The following BTBD8 variants were observed in gnomAD, a reference collection of about 807,000 sequenced individuals.
The protein encoded by BTBD8 is BTB domain containing 8, also known as BTB/POZ domain-containing protein 8.
BTBD8 carries 110 observed loss-of-function variants against 162.9 expected under a neutral mutation model. The observed-to-expected ratio is 0.68, with a 90% CI of 0.58 to 0.79. BTBD8 has a LOEUF of 0.79. BTBD8 is among the 30% of genes least tolerant of loss of function. The pLI, the probability that BTBD8 is intolerant of heterozygous loss-of-function variation, is 0.00. For synonymous variants in BTBD8, 667 were observed against 716.1 expected, an observed-to-expected ratio of 0.93 and a Z score of 1.10; for missense variants, 1,905 against 2,085.4, an observed-to-expected ratio of 0.91 and a Z score of 1.68.
At chr1:92,183,347 G>C (rs1247864610) in intron 17 of BTBD8, among the ~76,000 whole-genome samples, 2 of 152,112 alleles carry the variant, frequency 1.3e-5, no homozygotes, top group Non-Finnish European at 2.9e-5. Context: ...GTAGTTTCCT[G>C]TTCAGCAAAA....
intron 4 of BTBD8, among the ~76,000 whole-genome samples, chr1:92,113,365 T>C (rs1557444116): frequency 6.6e-6 from 1 of 152,200 alleles, no homozygotes; most frequent in Non-Finnish European, 1.5e-5. Flanking sequence ...TCAAGAAATG[T>C]ATTAGGCTAA....
rs544793072 is a variant in BTBD8 at position 92,124,727 on chromosome 1, A to C, written c.663-4960A>C. ...CAACATAGTAAGACTCTGTCTCTCT[A>C]TATATGTTTTAAATTTATTTTTAAA... On this transcript the variant is annotated intron_variant, in intron 4 of 17. Coordinates refer to ENST00000636805, the MANE Select transcript of BTBD8 (RefSeq NM_001376131.1). Among the ~76,000 whole-genome samples the C allele has an allele frequency of 7.2e-5, 11 of 152,338 alleles. No homozygotes were observed. In the South Asian group the frequency reaches 8.3e-4, roughly 11 times the overall value.
At position 92,181,637 on chromosome 1, in the gene BTBD8, A is replaced by G. The variant is rs879715504; in HGVS notation, c.3954A>G (p.Arg1318=). Residue 1318 remains arginine (R), a synonymous_variant, in exon 17 of 18, where the codon AGA becomes AGG. Coordinates refer to ENST00000636805, the MANE Select transcript of BTBD8 (RefSeq NM_001376131.1). ...EELKIYDSNL[R]IEVKMKKQSN... is the part of the protein sequence containing the mutation. ...TAAAAATTTATGATAGTAATTTAAG[A>G]ATTGAAGTAAAAATGAAAAAGCAAA... 5 of 1,550,178 alleles carry G rather than the reference A, an allele frequency of 3.2e-6. No homozygotes were observed. Among genetic ancestry groups the G allele is most frequent in the Non-Finnish European group, 3.5e-6 (4 of 1,146,084 alleles).
At position 92,167,975 on chromosome 1, in the gene BTBD8, C is replaced by G; in HGVS notation, c.1433C>G (p.Thr478Arg). 1 of 1,545,098 alleles carries G rather than the reference C, an allele frequency of 6.5e-7. No homozygotes were observed. The highest frequency in any genetic ancestry group is 8.7e-7 in the Non-Finnish European group (1 of 1,143,430). ...GACACACTGCTGAACTCTGACAGTA[C>G]AAAGGAAATGGTACTGAATGTAATG... ...ALDTLLNSDS[T>R]KEMGFTCKIQ... The change falls in exon 11 of 18, where the codon ACA (threonine) becomes AGA (arginine). Residue 478 changes from threonine to arginine, a missense_variant. Physicochemically the swap from Thr to Arg is moderately conservative, Grantham distance 71. Around this residue, in one of 3 missense-constraint regions of BTBD8, gnomAD observed 1,374 missense variants for 1,442.7 expected, o/e 0.95. Transcript: ENST00000636805.
intron 17 of BTBD8, among the ~76,000 whole-genome samples, chr1:92,182,833 C>T (rs1019795184): frequency 3.3e-5 from 5 of 151,714 alleles, no homozygotes; most frequent in Admixed American, 6.6e-5. Flanking sequence ...TAGAGCTAAC[C>T]TACTAAGAGA....
Position 92,126,461 on chromosome 1 carries a change from TC to T in BTBD8, c.663-3225del. On this transcript the variant is annotated intron_variant, in intron 4 of 17. Transcript: ENST00000636805. ...GCAGTACAACAGTTTTGTGTCACTG[TC>T]TGAAATCTGCCTCTTGGGCCTCCCT... 3 of 899,258 alleles carry T rather than the reference TC, an allele frequency of 3.3e-6. No homozygotes were observed. In the East Asian group the frequency reaches 1.2e-4, roughly 36 times the overall value. 55.7% of individuals were successfully genotyped at this position (899,258 alleles called of 1,614,324 possible).
intron 4 of BTBD8, among the ~76,000 whole-genome samples, chr1:92,128,195 C>T (rs966929768): frequency 6.6e-6 from 1 of 152,008 alleles, no homozygotes; most frequent in Non-Finnish European, 1.5e-5. Context: ...CGGCTCACTG[C>T]AACCTCCACC....
chr1:92,086,533 C>T (rs144637142), intron 1 of BTBD8, among the ~76,000 whole-genome samples: 3,003 of 151,644 alleles, frequency 0.02, 98 homozygotes, highest in African/African-American at 0.068. Flanking sequence ...TGGGAGGCTG[C>T]GGTGGGAGGA....
chr1:92,092,482 A>G (rs1209184315), intron 2 of BTBD8, among the ~76,000 whole-genome samples: 2 of 152,006 alleles, frequency 1.3e-5, no homozygotes, highest in Non-Finnish European at 2.9e-5. Flanking sequence ...CAGTGAGGCG[A>G]TGGTGTCTGG....
chr1:92,092,475 T>C (rs1045533631), intron 2 of BTBD8, among the ~76,000 whole-genome samples: 5 of 151,708 alleles, frequency 3.3e-5, no homozygotes, highest in Admixed American at 6.6e-5. Flanking sequence ...AAGGACACAG[T>C]GAGGCGATGG....
intron 4 of BTBD8, among the ~76,000 whole-genome samples, chr1:92,109,214 T>TGGTGTG (rs1160034974): frequency 4.6e-5 from 7 of 151,918 alleles, no homozygotes; most frequent in Non-Finnish European, 8.8e-5. Flanking sequence ...TCCTAAATCA[T>TGGTGTG]GGTGTGGGTG....
chr1:92,098,263 C>A (rs1648504021), intron 2 of BTBD8, among the ~76,000 whole-genome samples: 1 of 152,128 alleles, frequency 6.6e-6, no homozygotes, highest in African/African-American at 2.4e-5. Context: ...AGCAGTCAGG[C>A]CTGCTATGTT....
At chr1:92,089,074 T>A (rs1648232348) in intron 2 of BTBD8, among the ~76,000 whole-genome samples, 179 bp downstream of exon 2, 2 of 152,178 alleles carry the variant, frequency 1.3e-5, no homozygotes, top group Non-Finnish European at 2.9e-5. Context: ...ATATTAGTAC[T>A]AGTAGTACTA....
chr1:92,141,387 C>T (rs1037999789), intron 7 of BTBD8, among the ~76,000 whole-genome samples, 176 bp downstream of exon 7: 1 of 152,030 alleles, frequency 6.6e-6, no homozygotes, highest in Admixed American at 6.6e-5. Context: ...AAATCAGAAA[C>T]TAATTCAAAT....
intron 6 of BTBD8, chr1:92,139,783 A>G (rs889773557): frequency 5.0e-6 from 1 of 198,152 alleles, no homozygotes; most frequent in Non-Finnish European, 9.2e-6. Flanking sequence ...AAAAGAAAAG[A>G]AAAAACATAG....
intron 9 of BTBD8, among the ~76,000 whole-genome samples, chr1:92,160,028 A>T (rs1650245850): frequency 6.6e-6 from 1 of 152,008 alleles, no homozygotes; most frequent in Non-Finnish European, 1.5e-5. Context: ...TAATGTGTAT[A>T]TTGTCCCATA....
chr1:92,141,179 T>C lies in BTBD8; in HGVS notation c.898T>C (p.Leu300=), dbSNP rs1369456120. 1.3e-6 allele frequency: 2 copies of C among 1,585,500 alleles called. No homozygotes were observed. The highest frequency in any genetic ancestry group is 1.7e-6 in the Non-Finnish European group (2 of 1,163,456). ...ATTAAAAGAAGTAGCAATCTATATT[T>C]TAAGAAGAGATTACTGTAATTTCTT... The part of the protein sequence containing the change: ...EGLKEVAIYI[L]RRDYCNFFQK... The change falls in exon 7 of 18, where the codon TTA becomes CTA. Residue 300 remains leucine, a synonymous_variant. Coordinates refer to ENST00000636805, the MANE Select transcript of BTBD8 (RefSeq NM_001376131.1).
At chr1:92,138,057 C>T (rs116452476) in intron 5 of BTBD8, among the ~76,000 whole-genome samples, 1,767 of 152,142 alleles carry the variant, frequency 0.012, 38 homozygotes, top group African/African-American at 0.038. Context: ...TGAGTGAAGG[C>T]GGTAGGTAAG....
chr1:92,182,529 C>T lies in BTBD8; in HGVS notation c.4846C>T (p.Gln1616Ter), dbSNP rs969836431. Residue 1616 changes from glutamine to a stop codon, truncating the protein, a stop_gained, in exon 17 of 18, where the codon CAG becomes TAG. Coordinates refer to ENST00000636805, the MANE Select transcript of BTBD8 (RefSeq NM_001376131.1). LOFTEE classifies it high-confidence loss of function. ...LDSFRSQVLPQEGPVKESHST... is the reference protein window; with the variant it reads ...LDSFRSQVLP ...CTCCTTTCGGAGTCAAGTTCTGCCT[C>T]AGGAAGGTCCAGTGAAAGAGAGCCA... The T allele has an allele frequency of 1.3e-6, 2 of 1,541,890 alleles. No homozygotes were observed. The highest frequency in any genetic ancestry group is 1.2e-5 in the South Asian group (1 of 81,334).
Sources: gnomAD v4.1 joint callset for allele counts (sites outside exome capture counted in the v4.1 genomes callset) on GRCh38, gnomAD v4.1.1 for gene constraint, gnomAD v4.1.1 regional missense constraint, MANE v1.5 for transcripts, NCBI Gene and HGNC (gene_info 2026-07-23, HGNC 2026-07-21) for gene names.